Variants in RDX observed in about 807,000 individuals in gnomAD.
The protein encoded by RDX is radixin, also known as deafness, autosomal recessive 24.
RDX carries 32 observed loss-of-function variants against 83.7 expected under a neutral mutation model. The observed-to-expected ratio is 0.38, with a 90% CI of 0.29 to 0.51. The LOEUF is 0.51. RDX is among the 20% of genes least tolerant of loss of function. The pLI is 0.87. For synonymous variants in RDX, 229 were observed against 222.7 expected (o/e 1.03, Z -0.25); for missense variants, 600 against 689.9 (o/e 0.87, Z 1.46).
At position 110,229,490 on chromosome 11, in the gene RDX, C is replaced by G. The variant is rs1239312499; in HGVS notation, c.*2379G>C. On this transcript the variant is annotated 3_prime_UTR_variant, in exon 14 of 14. Coordinates refer to ENST00000645495, the MANE Select transcript of RDX (RefSeq NM_002906.4). ...TTATTGTTAACCAATGAATATTATCCAAAATTAGAGATGTAATTGTAACTT... is the reference window on the plus strand; with the variant it reads ...TTATTGTTAACCAATGAATATTATCGAAAATTAGAGATGTAATTGTAACTT... 6.6e-6 allele frequency: 1 copy of G among 152,250 alleles called. No homozygotes were observed. Among genetic ancestry groups the G allele is most frequent in the South Asian group, 2.1e-4 (1 of 4,818 alleles). The allele number at this position is 152,250 out of a possible 1,614,324, so 9.4% of individuals were successfully genotyped here. A position where few individuals can be genotyped will look rare whatever the true frequency, so the allele number is the denominator to read the frequency against.
chr11:110,206,482 G>A (rs546145091), intron 14 of RDX, among the ~76,000 whole-genome samples: 49 of 152,116 alleles, frequency 3.2e-4, no homozygotes, highest in Non-Finnish European at 4.3e-4. Context: ...GGCAAAACTA[G>A]ACATTATATT....
At chr11:110,216,086 CAG>C (rs1864041131) in intron 14 of RDX, among the ~76,000 whole-genome samples, 4 of 152,158 alleles carry the variant, frequency 2.6e-5, no homozygotes, top group Admixed American at 2.6e-4. Flanking sequence ...CCAAACTGCT[CAG>C]TGGACATTGG....
intron 1 of RDX, chr11:110,287,320 C>A (rs1362545343): frequency 6.6e-6 from 1 of 152,124 alleles, no homozygotes; most frequent in Non-Finnish European, 1.5e-5. Flanking sequence ...CCAGCCTGGG[C>A]AACAGAGTGA....
At chr11:110,272,440 G>T in intron 3 of RDX, 96 bp downstream of exon 3, 3 of 818,640 alleles carry the variant, frequency 3.7e-6, no homozygotes, top group Non-Finnish European at 6.3e-6. Context: ...GTACACTGTT[G>T]GATTATCAGC....
chr11:110,241,215 G>A (rs1306118250), intron 10 of RDX, among the ~76,000 whole-genome samples: 6 of 152,080 alleles, frequency 3.9e-5, no homozygotes, highest in Non-Finnish European at 7.3e-5. Context: ...TTACCATAGC[G>A]ATATTCTACG....
At position 110,276,695 on chromosome 11, in the gene RDX, C is replaced by T. The variant is rs139673981; in HGVS notation, c.12+2986G>A. Among the ~76,000 whole-genome samples the T allele has an allele frequency of 5.3e-5, 8 of 152,278 alleles. No individual in the cohort carries two copies. The East Asian group carries it at 1.5e-3, about 29-fold the overall frequency. On this transcript the variant is annotated intron_variant, in intron 2 of 13. Transcript: ENST00000645495. Reference sequence around the variant, plus strand: ...TTGAAAGAAGTGCTTATAATTTGCTCCATATAAATCAGTTTACTCATTTGT... The same window carrying T: ...TTGAAAGAAGTGCTTATAATTTGCTTCATATAAATCAGTTTACTCATTTGT...
At chr11:110,281,570 G>A (rs1860761983) in intron 1 of RDX, among the ~76,000 whole-genome samples, 1 of 151,992 alleles carries the variant, frequency 6.6e-6, no homozygotes, top group Non-Finnish European at 1.5e-5. Flanking sequence ...CAAGTGATCC[G>A]CCGGCCTTGG....
chr11:110,279,486 A>C (rs183313457), intron 2 of RDX, among the ~76,000 whole-genome samples, 195 bp downstream of exon 2: 102 of 152,328 alleles, frequency 6.7e-4, no homozygotes, highest in African/African-American at 2.2e-3. Flanking sequence ...ACATGGTCCC[A>C]CTGCGCTCCA....
intron 3 of RDX, among the ~76,000 whole-genome samples, chr11:110,267,104 A>G (rs963914874): frequency 4.6e-5 from 7 of 152,056 alleles, no homozygotes; most frequent in East Asian, 1.9e-4. Context: ...GGGTCTCACT[A>G]TGTTGCCCAG....
downstream of RDX, among the ~76,000 whole-genome samples, chr11:110,228,376 G>T (rs188015103): frequency 6.6e-6 from 1 of 152,144 alleles, no homozygotes; most frequent in Admixed American, 6.5e-5. Flanking sequence ...TTAAAAAAAT[G>T]GAAGTGGTAC....
chr11:110,251,513 G>T (rs1048936241), intron 9 of RDX, among the ~76,000 whole-genome samples: 1 of 152,100 alleles, frequency 6.6e-6, no homozygotes, highest in Admixed American at 6.6e-5. Flanking sequence ...TTATCTGTTC[G>T]ATTGAGTGTT....
chr11:110,184,896 C>T lies in RDX; in HGVS notation c.*32-9662G>A, dbSNP rs1028521966. ...CATATCTACCTGTTAGAGTTTGAGA[C>T]GGTGCTGACCTTGGAGGGGGGGCTA... On this transcript the variant is annotated intron_variant, in intron 15 of 15. Coordinates refer to the RDX transcript ENST00000528498. Among the ~76,000 whole-genome samples the T allele has an allele frequency of 6.6e-5, 10 of 152,152 alleles. No individual in the cohort carries two copies. The South Asian group carries it at 8.3e-4, about 13-fold the overall frequency.
At chr11:110,190,656 T>G (rs1591500672) in intron 15 of RDX, among the ~76,000 whole-genome samples, 1 of 152,168 alleles carries the variant, frequency 6.6e-6, no homozygotes, top group Admixed American at 6.5e-5. Context: ...AAACCAAAAG[T>G]TGGTTATTTG....
At chr11:110,286,625 C>A (rs1051173217) in intron 1 of RDX, among the ~76,000 whole-genome samples, 3 of 152,160 alleles carry the variant, frequency 2.0e-5, no homozygotes, top group African/African-American at 7.2e-5. Context: ...TTCCCTAAGC[C>A]TAATTTTAAT....
At chr11:110,194,092 T>C (rs1004199582) in intron 15 of RDX, among the ~76,000 whole-genome samples, 3 of 152,262 alleles carry the variant, frequency 2.0e-5, no homozygotes, top group Admixed American at 6.5e-5. Context: ...CCCTGATATA[T>C]CTATTAAAAG....
chr11:110,208,721 G>A (rs917369975), intron 14 of RDX, among the ~76,000 whole-genome samples: 22 of 152,142 alleles, frequency 1.4e-4, no homozygotes, highest in African/African-American at 5.3e-4. Context: ...CACTTTGGGA[G>A]GCTGTCAGGC....
chr11:110,276,601 C>T (rs1860529075), intron 2 of RDX, among the ~76,000 whole-genome samples: 1 of 152,144 alleles, frequency 6.6e-6, no homozygotes, highest in Admixed American at 6.5e-5. Context: ...TTAATATAGA[C>T]TCTATACATG....
chr11:110,239,917 G>C (rs965213836), intron 10 of RDX, among the ~76,000 whole-genome samples: 1 of 151,346 alleles, frequency 6.6e-6, no homozygotes, highest in African/African-American at 2.4e-5. Flanking sequence ...CACTGTTGGT[G>C]GGAATGCAAA....
At chr11:110,295,830 G>A (rs1364154072) in intron 1 of RDX, among the ~76,000 whole-genome samples, 1 of 152,246 alleles carries the variant, frequency 6.6e-6, no homozygotes, top group East Asian at 1.9e-4. Context: ...AACAGCAGCA[G>A]GTAGAGCTGC....
Sources: allele counts gnomAD v4.1 joint callset (sites outside exome capture counted in the v4.1 genomes callset), GRCh38; gene constraint gnomAD v4.1.1; transcripts MANE v1.5; gene names NCBI Gene and HGNC (gene_info 2026-07-23, HGNC 2026-07-21).